The following SLC5A4 variants were observed in gnomAD, a reference collection of about 807,000 sequenced individuals.
The protein encoded by SLC5A4 is solute carrier family 5 member 4, also known as probable glucose sensor protein SLC5A4.
A neutral mutation model predicts 70.3 loss-of-function variants in SLC5A4; 55 were observed. That is an observed-to-expected ratio of 0.78 (90% CI 0.63 to 0.98). SLC5A4 has a LOEUF of 0.98. SLC5A4 is among the 50% of genes least tolerant of loss of function. The pLI, the probability that SLC5A4 is intolerant of heterozygous loss-of-function variation, is 0.00. For synonymous variants in SLC5A4, 268 were observed against 305.7 expected, an observed-to-expected ratio of 0.88 and a Z score of 1.29; for missense variants, 735 against 839.2, an observed-to-expected ratio of 0.88 and a Z score of 1.53.
At chr22:32,233,277 A>G (rs2123893533) in intron 8 of SLC5A4, among the ~76,000 whole-genome samples, 1 of 152,312 alleles carries the variant, frequency 6.6e-6, no homozygotes, top group Admixed American at 6.5e-5. Context: ...ATGCAAAACC[A>G]TTCAGCCATA....
the SLC5A4 span, among the ~76,000 whole-genome samples, chr22:32,298,433 T>G: frequency 8.0e-6 from 1 of 125,740 alleles, no homozygotes; most frequent in Non-Finnish European, 1.7e-5. Flanking sequence ...TCTTTTGATC[T>G]TTGTTGGTTT....
At chr22:32,313,789 G>C in the SLC5A4 span, among the ~76,000 whole-genome samples, 1 of 149,648 alleles carries the variant, frequency 6.7e-6, no homozygotes, top group East Asian at 2.0e-4. Context: ...TGTCATGTAA[G>C]TGGGAGTCTA....
At chr22:32,304,443 GTTTTTTCT>G in the SLC5A4 span, among the ~76,000 whole-genome samples, 12 of 151,610 alleles carry the variant, frequency 7.9e-5, no homozygotes, top group East Asian at 1.6e-3. Flanking sequence ...TGCCCAGCTT[GTTTTTTCT>G]TTTTCTTTTT....
At chr22:32,294,676 T>TTTTTTA in the SLC5A4 span, among the ~76,000 whole-genome samples, 1 of 150,926 alleles carries the variant, frequency 6.6e-6, no homozygotes, top group Non-Finnish European at 1.5e-5. Flanking sequence ...TTTTTCTTTT[T>TTTTTTA]ATTATACTTT....
chr22:32,219,837 G>T (rs1365046022), intron 14 of SLC5A4, among the ~76,000 whole-genome samples: 1 of 151,830 alleles, frequency 6.6e-6, no homozygotes, highest in Admixed American at 6.6e-5. Context: ...AGATTGAAAG[G>T]ATAACACAAC....
At chr22:32,344,522 CAA>C in the SLC5A4 span, among the ~76,000 whole-genome samples, 1 of 152,054 alleles carries the variant, frequency 6.6e-6, no homozygotes, top group Admixed American at 6.6e-5. Context: ...GCGATATTGA[CAA>C]GACATAAATG....
chr22:32,313,469 T>TATGACC, the SLC5A4 span, among the ~76,000 whole-genome samples: 1 of 152,176 alleles, frequency 6.6e-6, no homozygotes, highest in Non-Finnish European at 1.5e-5. Flanking sequence ...GACACTAAGA[T>TATGACC]ATGACCATGA....
At chr22:32,259,151 C>T (rs1927626708), upstream of SLC5A4, among the ~76,000 whole-genome samples, 1 of 152,212 alleles carries the variant, frequency 6.6e-6, no homozygotes, top group African/African-American at 2.4e-5. Flanking sequence ...ATCTGCTGTA[C>T]ACCATTGTAC....
the SLC5A4 span, among the ~76,000 whole-genome samples, chr22:32,345,731 C>T: frequency 6.6e-6 from 1 of 152,100 alleles, no homozygotes; most frequent in African/African-American, 2.4e-5. Flanking sequence ...AGAAAAGGTC[C>T]CCCCAACTAG....
chr22:32,304,752 TTC>T, the SLC5A4 span, among the ~76,000 whole-genome samples: 1 of 152,238 alleles, frequency 6.6e-6, no homozygotes, highest in Admixed American at 6.5e-5. Context: ...AACTTATCAA[TTC>T]TCTCTTTCAT....
chr22:32,333,682 G>A, the SLC5A4 span, among the ~76,000 whole-genome samples: 1 of 151,890 alleles, frequency 6.6e-6, no homozygotes, highest in Non-Finnish European at 1.5e-5. Context: ...CTGATGCTGG[G>A]GCTGCTTCCC....
At chr22:32,303,782 T>C in the SLC5A4 span, among the ~76,000 whole-genome samples, 1 of 152,244 alleles carries the variant, frequency 6.6e-6, no homozygotes, top group Admixed American at 6.5e-5. Context: ...AGGTTTTGTG[T>C]GGCCATAAGT....
At chr22:32,349,124 G>A in the SLC5A4 span, among the ~76,000 whole-genome samples, 3 of 152,040 alleles carry the variant, frequency 2.0e-5, no homozygotes, top group African/African-American at 7.3e-5. Context: ...ACAGGCGTGT[G>A]TTACCAGCCT....
chr22:32,317,400 A>T, the SLC5A4 span, among the ~76,000 whole-genome samples: 1 of 152,170 alleles, frequency 6.6e-6, no homozygotes, highest in South Asian at 2.1e-4. Flanking sequence ...TGAAAACAGA[A>T]ATGGAGTTAA....
At chr22:32,307,423 A>T in the SLC5A4 span, among the ~76,000 whole-genome samples, 3 of 152,168 alleles carry the variant, frequency 2.0e-5, no homozygotes, top group Non-Finnish European at 4.4e-5. Flanking sequence ...TGTGTCCGTT[A>T]GGCACAAATA....
At chr22:32,224,544 A>C (rs1218452410) in intron 12 of SLC5A4, 62 bp from the exon 13 acceptor site, 1 of 1,319,582 alleles carries the variant, frequency 7.6e-7, no homozygotes, top group African/African-American at 1.5e-5. Context: ...TATTCAAGTA[A>C]GTCATCATTA....
chr22:32,333,257 C>T, the SLC5A4 span, among the ~76,000 whole-genome samples: 240 of 147,794 alleles, frequency 1.6e-3, 1 homozygote, highest in African/African-American at 5.8e-3. Context: ...AAACAGGCCA[C>T]GGGGCTCTCT....
intron 5 of SLC5A4, among the ~76,000 whole-genome samples, chr22:32,244,679 C>A (rs1418117347): frequency 6.6e-6 from 1 of 152,052 alleles, no homozygotes; most frequent in African/African-American, 2.4e-5. Flanking sequence ...AAATGTGTGC[C>A]CCCATACCTG....
chr22:32,349,668 T>C, the SLC5A4 span, among the ~76,000 whole-genome samples: 3 of 152,244 alleles, frequency 2.0e-5, no homozygotes, highest in Non-Finnish European at 4.4e-5. Flanking sequence ...GCTTCTATTT[T>C]TCTTAAGAAG....
Sources: gnomAD v4.1 joint callset for allele counts (sites outside exome capture counted in the v4.1 genomes callset) on GRCh38, gnomAD v4.1.1 for gene constraint, MANE v1.5 for transcripts, NCBI Gene and HGNC (gene_info 2026-07-23, HGNC 2026-07-21) for gene names.